Variants in NFIB observed in about 807,000 individuals in gnomAD.
NFIB encodes nuclear factor I B, also known as nuclear factor 1 B-type.
Under a neutral mutation model 61.5 loss-of-function variants are expected in NFIB, and 11 were observed. The ratio of observed to expected loss-of-function variants is 0.18; its 90% CI spans 0.11 to 0.30. NFIB has a LOEUF of 0.30. Ranked by LOEUF, NFIB falls within the 10% of genes least tolerant of loss-of-function variation. The probability of loss-of-function intolerance (pLI) is 1.00; values close to 1 mark genes in which losing one functional copy is unlikely to be tolerated. For missense variants in NFIB, 471 were observed against 608.9 expected (o/e 0.77, Z 2.38); for synonymous variants, 260 against 216.5 (o/e 1.20, Z -1.76).
intron 2 of NFIB, among the ~76,000 whole-genome samples, chr9:14,272,511 A>G (rs1253194071): frequency 2.6e-5 from 4 of 152,076 alleles, no homozygotes; most frequent in Non-Finnish European, 4.4e-5. Flanking sequence ...TCTTCCTGCA[A>G]TATCTTTAGT....
chr9:14,157,108 AT>A (rs2043515816), intron 3 of NFIB, among the ~76,000 whole-genome samples: 1 of 152,126 alleles, frequency 6.6e-6, no homozygotes, highest in African/African-American at 2.4e-5. Flanking sequence ...AAAATCACCT[AT>A]CTTATAGAGT....
At chr9:14,411,508 G>C in the NFIB span, among the ~76,000 whole-genome samples, 1 of 152,082 alleles carries the variant, frequency 6.6e-6, no homozygotes, top group Non-Finnish European at 1.5e-5. Context: ...CCAATATAAG[G>C]GCACCTGGCC....
At chr9:14,315,691 C>G (rs2060514810), upstream of NFIB, among the ~76,000 whole-genome samples, 1 of 151,142 alleles carries the variant, frequency 6.6e-6, no homozygotes, top group Non-Finnish European at 1.5e-5. Flanking sequence ...GAACTTGATT[C>G]CAGGGATTTT....
chr9:14,141,399 A>C (rs899207017), intron 6 of NFIB, among the ~76,000 whole-genome samples: 2 of 152,204 alleles, frequency 1.3e-5, no homozygotes, highest in Admixed American at 1.3e-4. Context: ...CAATATACCA[A>C]GTAGTGCTAG....
chr9:14,428,169 T>C, the NFIB span, among the ~76,000 whole-genome samples: 12 of 151,852 alleles, frequency 7.9e-5, no homozygotes, highest in African/African-American at 2.9e-4. Context: ...TGGCCTCAAA[T>C]TCCTGGGCTC....
chr9:14,233,934 G>T lies in NFIB; in HGVS notation c.563-54154C>A, dbSNP rs528170093. Among the ~76,000 whole-genome samples, 42 of 152,200 alleles carry T rather than the reference G, an allele frequency of 2.8e-4. No individual in the cohort carries two copies. The South Asian group carries it at 8.7e-3, about 32-fold the overall frequency. ...TCCAATATTCAAAAGGAAAATTTTT[G>T]TTTAATTTATATAACATCTTACTTA... On this transcript the variant is annotated intron_variant, in intron 2 of 10. Transcript: ENST00000380953.
the NFIB span, among the ~76,000 whole-genome samples, chr9:14,439,702 G>A: frequency 6.6e-6 from 1 of 152,112 alleles, no homozygotes; most frequent in Non-Finnish European, 1.5e-5. Flanking sequence ...AGGGCCAAGG[G>A]GTGAGTTGGA....
At chr9:14,193,384 C>G (rs985305417) in intron 2 of NFIB, among the ~76,000 whole-genome samples, 1 of 152,118 alleles carries the variant, frequency 6.6e-6, no homozygotes, top group African/African-American at 2.4e-5. Context: ...TTTCATGCCA[C>G]AAACAACTTC....
chr9:14,159,389 A>G (rs546821136), intron 3 of NFIB, among the ~76,000 whole-genome samples: 24 of 152,148 alleles, frequency 1.6e-4, no homozygotes, highest in Admixed American at 3.3e-4. Context: ...GCAAAAAACC[A>G]CAGAGGTCCC....
chr9:14,430,961 AG>A, the NFIB span, among the ~76,000 whole-genome samples: 1 of 152,182 alleles, frequency 6.6e-6, no homozygotes, highest in East Asian at 1.9e-4. Context: ...TTTCATGAAC[AG>A]GTATTACGTT....
chr9:14,121,962 A>G (rs1204135705), intron 7 of NFIB, among the ~76,000 whole-genome samples: 3 of 152,130 alleles, frequency 2.0e-5, no homozygotes, highest in Non-Finnish European at 4.4e-5. Flanking sequence ...ATAATCATAG[A>G]AATACAAATT....
At chr9:14,525,244 G>A in the NFIB span, among the ~76,000 whole-genome samples, 1 of 152,146 alleles carries the variant, frequency 6.6e-6, no homozygotes, top group African/African-American at 2.4e-5. Flanking sequence ...TGTAAAGCAG[G>A]CAATGGTCAA....
chr9:14,090,496 A>G (rs1376536482), intron 10 of NFIB, among the ~76,000 whole-genome samples: 1 of 152,098 alleles, frequency 6.6e-6, no homozygotes, highest in East Asian at 1.9e-4. Flanking sequence ...AAATATCTCT[A>G]TCTGGGATTA....
the NFIB span, among the ~76,000 whole-genome samples, chr9:14,432,058 G>C: frequency 6.6e-6 from 1 of 152,140 alleles, no homozygotes; most frequent in Non-Finnish European, 1.5e-5. Flanking sequence ...TGTGAGACTG[G>C]CCTCAAGACA....
At chr9:14,102,674 A>G (rs1804697326) in intron 10 of NFIB, among the ~76,000 whole-genome samples, 2 of 152,172 alleles carry the variant, frequency 1.3e-5, no homozygotes, top group Admixed American at 1.3e-4. Flanking sequence ...ATTCTTGAAA[A>G]GCAAAATTCC....
chr9:14,270,440 A>G (rs1417351333), intron 2 of NFIB, among the ~76,000 whole-genome samples: 1 of 152,086 alleles, frequency 6.6e-6, no homozygotes, highest in Non-Finnish European at 1.5e-5. Context: ...AAGTGTTTTA[A>G]TAGCCCATTA....
chr9:14,378,808 A>T (rs536968997), intron 1 of NFIB, among the ~76,000 whole-genome samples: 2 of 152,320 alleles, frequency 1.3e-5, no homozygotes, highest in African/African-American at 4.8e-5. Flanking sequence ...GGAGGGACCT[A>T]TCCCATCCCT....
At chr9:14,286,565 T>C (rs1367872706) in intron 2 of NFIB, among the ~76,000 whole-genome samples, 1 of 152,256 alleles carries the variant, frequency 6.6e-6, no homozygotes, top group Admixed American at 6.5e-5. Flanking sequence ...TTCTTTCAGA[T>C]GATGTTTGTA....
Position 14,293,711 on chromosome 9 carries a change from G to C in NFIB, c.562+13278C>G, listed in dbSNP as rs7046668. ...AGGATTAGTAGACAGCCTTATCAAT[G>C]CCAGATACCAAGAGCCACAAGTTCA... On this transcript the variant is annotated intron_variant, in intron 2 of 10. Coordinates refer to ENST00000380953, the MANE Select transcript of NFIB (RefSeq NM_001190737.2). Among the ~76,000 whole-genome samples, 648 of 152,232 alleles carry C rather than the reference G, an allele frequency of 4.3e-3. 5 individuals carry two copies. Among genetic ancestry groups the C allele is most frequent in the African/African-American group, 0.015 (612 of 41,526 alleles).
Sources: allele counts gnomAD v4.1 joint callset (sites outside exome capture counted in the v4.1 genomes callset), GRCh38; gene constraint gnomAD v4.1.1; transcripts MANE v1.5; gene names NCBI Gene and HGNC (gene_info 2026-07-23, HGNC 2026-07-21).